FBN1: variants seen among roughly 807,000 people sequenced by gnomAD.
FBN1 encodes fibrillin-1.
FBN1 carries 29 observed loss-of-function variants against 365.1 expected under a neutral mutation model. The ratio of observed to expected loss-of-function variants is 0.08; its 90% CI spans 0.06 to 0.11. The LOEUF (loss-of-function observed/expected upper bound fraction) is 0.11. FBN1 is among the 10% of genes least tolerant of loss of function. FBN1 has a pLI of 1.00. For synonymous variants in FBN1, 1,210 were observed against 1,270.5 expected, an observed-to-expected ratio of 0.95 and a Z score of 1.01; for missense variants, 2,476 against 3,703.2, an observed-to-expected ratio of 0.67 and a Z score of 8.60.
chr15:48,596,582 C>T (rs1210337611), intron 5 of FBN1, among the ~76,000 whole-genome samples: 1 of 152,204 alleles, frequency 6.6e-6, no homozygotes, highest in Non-Finnish European at 1.5e-5. Context: ...GAGTTTGTAT[C>T]TATGTTAATG....
chr15:48,516,131 T>C lies in FBN1; in HGVS notation c.1327+52A>G, dbSNP rs1012054591. On this transcript the variant is annotated intron_variant, in intron 11 of 65. Coordinates refer to ENST00000316623, the MANE Select transcript of FBN1 (RefSeq NM_000138.5). ...GTAGCATAAATAAATAATAAAAAAA[T>C]GTTAACTTGAACAATGCAAGAAAAA... The C allele has an allele frequency of 5.3e-6, 8 of 1,499,870 alleles. No homozygotes were observed. The Admixed American group carries it at 1.2e-4, about 22-fold the overall frequency. 92.9% of individuals were successfully genotyped at this position (1,499,870 alleles called of 1,614,324 possible). A position where few individuals can be genotyped will look rare whatever the true frequency, so the allele number is the denominator to read the frequency against.
chr15:48,575,457 AT>A (rs2044338774), intron 6 of FBN1, among the ~76,000 whole-genome samples: 1 of 152,180 alleles, frequency 6.6e-6, no homozygotes, highest in Non-Finnish European at 1.5e-5. Flanking sequence ...AATTGTGAGC[AT>A]TGTACCCAAT....
At chr15:48,623,172 T>C (rs1889800972) in intron 2 of FBN1, among the ~76,000 whole-genome samples, 1 of 152,202 alleles carries the variant, frequency 6.6e-6, no homozygotes, top group African/African-American at 2.4e-5. Flanking sequence ...AAGGCAATAG[T>C]GAGTACGAAG....
intron 6 of FBN1, among the ~76,000 whole-genome samples, chr15:48,584,149 T>C (rs551355728): frequency 3.9e-4 from 59 of 152,342 alleles, no homozygotes; most frequent in Non-Finnish European, 6.9e-4. Flanking sequence ...ACATGTATTA[T>C]GTGCCAGATC....
At chr15:48,603,577 A>G (rs553506045) in intron 4 of FBN1, among the ~76,000 whole-genome samples, 5 of 152,296 alleles carry the variant, frequency 3.3e-5, no homozygotes, top group African/African-American at 1.2e-4. Context: ...CTAAATTTAT[A>G]CTGATTTGAA....
chr15:48,500,181 G>A (rs2043642577), intron 17 of FBN1, among the ~76,000 whole-genome samples: 2 of 152,176 alleles, frequency 1.3e-5, no homozygotes, highest in African/African-American at 2.4e-5. Flanking sequence ...TTATTCTGCT[G>A]TATCAGCAAA....
At chr15:48,539,619 T>A (rs181312998) in intron 6 of FBN1, among the ~76,000 whole-genome samples, 1 of 152,280 alleles carries the variant, frequency 6.6e-6, no homozygotes, top group Admixed American at 6.5e-5. Flanking sequence ...AAATATTAAA[T>A]ACTAGTACAG....
At chr15:48,613,668 C>T (rs962955307) in intron 2 of FBN1, among the ~76,000 whole-genome samples, 1 of 152,160 alleles carries the variant, frequency 6.6e-6, no homozygotes, top group Non-Finnish European at 1.5e-5. Flanking sequence ...TGGCTCACGC[C>T]TGTAATCCCA....
At chr15:48,615,620 G>C (rs1889637297) in intron 2 of FBN1, among the ~76,000 whole-genome samples, 1 of 152,138 alleles carries the variant, frequency 6.6e-6, no homozygotes, top group South Asian at 2.1e-4. Flanking sequence ...CATAACTCGG[G>C]AAACAATTTG....
At chr15:48,513,507 G>C (rs767729957) in intron 13 of FBN1, 42 bp downstream of exon 13, 3 of 1,613,626 alleles carry the variant, frequency 1.9e-6, no homozygotes, top group Non-Finnish European at 2.5e-6. Context: ...CCCCCAGTTA[G>C]CATATATGTC....
At chr15:48,613,402 A>G (rs2044672048) in intron 2 of FBN1, among the ~76,000 whole-genome samples, 1 of 152,212 alleles carries the variant, frequency 6.6e-6, no homozygotes, top group Non-Finnish European at 1.5e-5. Flanking sequence ...CAATAAACTT[A>G]AACAATAAAT....
chr15:48,422,895 C>T lies in FBN1; in HGVS notation c.7454-827G>A, dbSNP rs2042953992. ...TGAGCTGAGATCGCACCACTGCACT[C>T]CAGCCTGGGCAACAGAGTGAAACTT... is the stretch of plus-strand genomic sequence containing the variant. On this transcript the variant is annotated intron_variant, in intron 60 of 65. Transcript: ENST00000316623. Among the ~76,000 whole-genome samples, 4 of 152,116 alleles carry T rather than the reference C, an allele frequency of 2.6e-5. 1 individual carries two copies. The South Asian group carries it at 8.3e-4, about 32-fold the overall frequency.
intron 6 of FBN1, among the ~76,000 whole-genome samples, chr15:48,564,124 T>C (rs554210100): frequency 2.0e-5 from 3 of 152,166 alleles, no homozygotes; most frequent in Non-Finnish European, 4.4e-5. Context: ...ATGTTTGGTA[T>C]GGGAGGCAGG....
chr15:48,587,743 ACACT>A (rs1272411012), intron 6 of FBN1, among the ~76,000 whole-genome samples: 3 of 152,190 alleles, frequency 2.0e-5, no homozygotes, highest in Non-Finnish European at 4.4e-5. Flanking sequence ...CAAGAGCCAT[ACACT>A]CCTCTCATGA....
Position 48,410,869 on chromosome 15 carries a change from T to A in FBN1, c.*121A>T. On this transcript the variant is annotated 3_prime_UTR_variant, in exon 66 of 66. Coordinates refer to ENST00000316623, the MANE Select transcript of FBN1 (RefSeq NM_000138.5). ...TGGTAATACAAAGAATAGTGCTTAT[T>A]TATACAAATTTACTTGGTGAAAGAT... The A allele has an allele frequency of 9.8e-7, 1 of 1,024,778 alleles. No individual in the cohort carries two copies. The highest frequency in any genetic ancestry group is 1.4e-6 in the Non-Finnish European group (1 of 698,134). 63.5% of individuals were successfully genotyped at this position (1,024,778 alleles called of 1,614,324 possible).
chr15:48,479,714 C>T (rs1251244154), intron 32 of FBN1, among the ~76,000 whole-genome samples: 1 of 152,222 alleles, frequency 6.6e-6, no homozygotes, highest in Non-Finnish European at 1.5e-5. Context: ...TCACTTCATG[C>T]AACTGTAGTG....
At chr15:48,508,543 G>C (rs573895627) in intron 15 of FBN1, 39 bp downstream of exon 15, 1 of 1,612,918 alleles carries the variant, frequency 6.2e-7, no homozygotes, top group African/African-American at 1.3e-5. Context: ...AGGAGAAAAG[G>C]CACGTGAAGA....
intron 43 of FBN1, among the ~76,000 whole-genome samples, chr15:48,459,470 G>A (rs2043265225): frequency 6.6e-6 from 1 of 152,178 alleles, no homozygotes; most frequent in Admixed American, 6.5e-5. Flanking sequence ...GGCTGATGTG[G>A]ATTTTAGTTT....
At chr15:48,503,196 T>C (rs887774901) in intron 17 of FBN1, among the ~76,000 whole-genome samples, 5 of 142,682 alleles carry the variant, frequency 3.5e-5, no homozygotes, top group African/African-American at 1.3e-4. Context: ...TACTCAGGAG[T>C]TTGAGGCAGA....
Sources: allele counts gnomAD v4.1 joint callset (sites outside exome capture counted in the v4.1 genomes callset), GRCh38; gene constraint gnomAD v4.1.1; transcripts MANE v1.5; gene names NCBI Gene and HGNC (gene_info 2026-07-23, HGNC 2026-07-21).